The following OR6N1 variants were observed in gnomAD, a reference collection of about 807,000 sequenced individuals.
OR6N1 encodes olfactory receptor 6N1.
For missense variants in OR6N1, 394 were observed against 371.7 expected, an observed-to-expected ratio of 1.06 and a Z score of -0.49; for synonymous variants, 170 against 150.7, an observed-to-expected ratio of 1.13 and a Z score of -0.94.
chr1:158,801,126 T>C, the OR6N1 span, among the ~76,000 whole-genome samples: 9 of 151,988 alleles, frequency 5.9e-5, no homozygotes, highest in East Asian at 1.5e-3. Context: ...AAAAAAAGTC[T>C]GTTTCTTGGT....
the OR6N1 span, among the ~76,000 whole-genome samples, chr1:158,831,881 A>G: frequency 6.6e-6 from 1 of 152,142 alleles, no homozygotes; most frequent in Non-Finnish European, 1.5e-5. Flanking sequence ...GTTTGGGCCT[A>G]AGTTAAAAGA....
At chr1:158,787,635 T>TCTCTCTCTCTCTCACACACACACACA in the OR6N1 span, among the ~76,000 whole-genome samples, 3 of 134,314 alleles carry the variant, frequency 2.2e-5, no homozygotes, top group African/African-American at 8.9e-5. Flanking sequence ...TCTCTCTCTC[T>TCTCTCTCTCTCTCACACACACACACA]CACACACACA....
the OR6N1 span, among the ~76,000 whole-genome samples, chr1:158,786,174 T>C: frequency 6.6e-6 from 1 of 151,838 alleles, no homozygotes; most frequent in Non-Finnish European, 1.5e-5. Flanking sequence ...CTATCAAAAA[T>C]TTGGCAAAGG....
chr1:158,836,142 A>T, the OR6N1 span, among the ~76,000 whole-genome samples: 6 of 72,436 alleles, frequency 8.3e-5, no homozygotes, highest in Non-Finnish European at 1.8e-4. Context: ...AGCATTTTGT[A>T]AAAAAAAAAT....
At chr1:158,796,471 G>T in the OR6N1 span, among the ~76,000 whole-genome samples, 2 of 151,982 alleles carry the variant, frequency 1.3e-5, no homozygotes, top group Non-Finnish European at 2.9e-5. Flanking sequence ...GAGCTCACTG[G>T]TTCTTTCCTC....
the OR6N1 span, among the ~76,000 whole-genome samples, chr1:158,825,591 G>C: frequency 2.0e-5 from 3 of 152,144 alleles, no homozygotes; most frequent in African/African-American, 7.2e-5. Flanking sequence ...TCTCGTACCA[G>C]TCAGAATGGC....
the OR6N1 span, among the ~76,000 whole-genome samples, chr1:158,813,615 T>C: frequency 6.6e-6 from 1 of 151,776 alleles, no homozygotes; most frequent in Non-Finnish European, 1.5e-5. Context: ...AAGGGGCAAA[T>C]GGTCCTACAA....
the OR6N1 span, among the ~76,000 whole-genome samples, chr1:158,787,649 A>C: frequency 6.7e-6 from 1 of 150,184 alleles, no homozygotes; most frequent in Non-Finnish European, 1.5e-5. Context: ...ACACACACAC[A>C]CACACACACA....
At chr1:158,811,829 G>A in the OR6N1 span, among the ~76,000 whole-genome samples, 36,271 of 152,030 alleles carry the variant, frequency 0.24, 5,037 homozygotes, top group Non-Finnish European at 0.31. Context: ...TTTCCTGAGA[G>A]GGCTGGAATT....
chr1:158,839,272 C>T, the OR6N1 span, among the ~76,000 whole-genome samples: 1 of 152,080 alleles, frequency 6.6e-6, no homozygotes, highest in African/African-American at 2.4e-5. Context: ...TCTCTGAGGC[C>T]TATATGGACG....
the OR6N1 span, among the ~76,000 whole-genome samples, chr1:158,818,969 C>T: frequency 6.6e-6 from 1 of 152,146 alleles, no homozygotes; most frequent in Admixed American, 6.6e-5. Flanking sequence ...GGGAATAGAA[C>T]AAAGTGCTAA....
chr1:158,802,546 T>G, the OR6N1 span, among the ~76,000 whole-genome samples: 3 of 152,044 alleles, frequency 2.0e-5, no homozygotes, highest in African/African-American at 7.2e-5. Context: ...AGAGGTGAGT[T>G]TCATCTTAAA....
At chr1:158,820,439 A>T in the OR6N1 span, among the ~76,000 whole-genome samples, 1 of 152,242 alleles carries the variant, frequency 6.6e-6, no homozygotes, top group Non-Finnish European at 1.5e-5. Flanking sequence ...TCATTTGCAA[A>T]ACTGAAAATA....
At chr1:158,805,111 T>A in the OR6N1 span, among the ~76,000 whole-genome samples, 1 of 152,350 alleles carries the variant, frequency 6.6e-6, no homozygotes, top group East Asian at 1.9e-4. Flanking sequence ...ATGCCCTTGT[T>A]TGCCCAGTAC....
chr1:158,777,388 GACA>G, the OR6N1 span: 1 of 1,614,140 alleles, frequency 6.2e-7, no homozygotes, highest in Admixed American at 1.7e-5. Context: ...GAGAATATTA[GACA>G]ACATCTTAGG....
chr1:158,779,843 C>T, the OR6N1 span, among the ~76,000 whole-genome samples: 1 of 152,016 alleles, frequency 6.6e-6, no homozygotes, highest in Non-Finnish European at 1.5e-5. Flanking sequence ...ATTTTCTATG[C>T]CCTCATAATA....
the OR6N1 span, chr1:158,777,487 C>T: frequency 1.2e-5 from 19 of 1,614,126 alleles, no homozygotes; most frequent in East Asian, 6.7e-5. Context: ...TGCATCCAGT[C>T]GGATGACTGA....
chr1:158,816,099 A>C, the OR6N1 span, among the ~76,000 whole-genome samples: 10 of 150,990 alleles, frequency 6.6e-5, no homozygotes, highest in African/African-American at 2.4e-4. Flanking sequence ...TGGATCTTGC[A>C]GTGAGAGGAG....
At chr1:158,807,201 A>G in the OR6N1 span, among the ~76,000 whole-genome samples, 1 of 152,130 alleles carries the variant, frequency 6.6e-6, no homozygotes, top group Non-Finnish European at 1.5e-5. Flanking sequence ...TAATCTTTAT[A>G]ATTTTATTAC....
Sources: gnomAD v4.1 joint callset for allele counts (sites outside exome capture counted in the v4.1 genomes callset) on GRCh38, gnomAD v4.1.1 for gene constraint, MANE v1.5 for transcripts, NCBI Gene and HGNC (gene_info 2026-07-23, HGNC 2026-07-21) for gene names.